The following PAM variants were observed in gnomAD, a reference collection of about 807,000 sequenced individuals.
The protein encoded by PAM is peptidyl-glycine alpha-amidating monooxygenase.
In PAM, 72 loss-of-function variants were observed where a neutral mutation model predicts 122.1. The observed-to-expected ratio is 0.59, with a 90% CI of 0.49 to 0.72. The LOEUF is 0.72. Among genes scored for constraint, PAM ranks in the 30% least tolerant of loss-of-function variants. PAM has a pLI of 0.00. For missense variants in PAM, 1,106 were observed against 1,183.7 expected (o/e 0.93, Z 0.96); for synonymous variants, 389 against 404.4 (o/e 0.96, Z 0.46).
At chr5:102,922,363 T>G (rs745707806) in intron 5 of PAM, among the ~76,000 whole-genome samples, 1 of 151,770 alleles carries the variant, frequency 6.6e-6, no homozygotes, top group Non-Finnish European at 1.5e-5. Context: ...TGAATAAAAG[T>G]TTTTCAGGCA....
chr5:102,966,799 C>A (rs983346132), intron 14 of PAM, among the ~76,000 whole-genome samples: 1 of 152,034 alleles, frequency 6.6e-6, no homozygotes, highest in African/African-American at 2.4e-5. Context: ...ATCCTATTTA[C>A]TCTCCTTATA....
At chr5:102,961,041 G>A (rs1003620022) in intron 13 of PAM, 117 bp from the exon 14 acceptor site, 8 of 519,246 alleles carry the variant, frequency 1.5e-5, no homozygotes, top group African/African-American at 1.0e-4. Flanking sequence ...TCTTAATACG[G>A]TAATAAGCAC....
At chr5:102,982,116 T>A (rs1044127729) in intron 15 of PAM, among the ~76,000 whole-genome samples, 7 of 151,874 alleles carry the variant, frequency 4.6e-5, no homozygotes. Flanking sequence ...TGTCCAGGGA[T>A]CTGAGGATTC....
chr5:102,829,239 G>C (rs1423160434), intron 1 of PAM, among the ~76,000 whole-genome samples: 1 of 151,898 alleles, frequency 6.6e-6, no homozygotes, highest in Non-Finnish European at 1.5e-5. Flanking sequence ...GTACACCAAC[G>C]TTAAATGGTT....
In PAM at chr5:102,999,301, A is replaced by C. The variant is rs530333620; in HGVS notation, c.1614-3732A>C. ...ACTGCATGTCTCACATCCAGGTCAC[A>C]GTGATGCAAGAGGTGGGCTCCCACA... is the stretch of plus-strand genomic sequence containing the variant. On this transcript the variant is annotated intron_variant, in intron 16 of 25. Coordinates refer to ENST00000438793, the MANE Select transcript of PAM (RefSeq NM_001177306.2). Among the ~76,000 whole-genome samples, 54 of 152,340 alleles carry C rather than the reference A, an allele frequency of 3.5e-4. 2 individuals are homozygous for C. The South Asian group carries it at 0.011, about 30-fold the overall frequency.
At chr5:102,845,926 T>C (rs537989263) in intron 1 of PAM, among the ~76,000 whole-genome samples, 1 of 152,310 alleles carries the variant, frequency 6.6e-6, no homozygotes, top group African/African-American at 2.4e-5. Flanking sequence ...TTTTATCATA[T>C]ACTAGCTCAC....
intron 4 of PAM, among the ~76,000 whole-genome samples, chr5:102,902,589 A>G (rs1203583027): frequency 6.6e-6 from 1 of 151,604 alleles, no homozygotes; most frequent in African/African-American, 2.4e-5. Context: ...TGCTTTGAGT[A>G]ACACTAAATA....
intron 1 of PAM, among the ~76,000 whole-genome samples, chr5:102,760,152 C>T (rs1000506412): frequency 2.0e-5 from 3 of 152,142 alleles, no homozygotes; most frequent in Non-Finnish European, 2.9e-5. Flanking sequence ...GGTATTCTTT[C>T]CCTCTGAAGC....
chr5:102,776,410 C>T (rs1158740465), intron 1 of PAM, among the ~76,000 whole-genome samples: 1 of 151,986 alleles, frequency 6.6e-6, no homozygotes, highest in African/African-American at 2.4e-5. Flanking sequence ...AATCTTTTCC[C>T]ATGCCTATGT....
At chr5:102,766,000 G>A (rs1753819887) in intron 1 of PAM, among the ~76,000 whole-genome samples, 1 of 151,970 alleles carries the variant, frequency 6.6e-6, no homozygotes, top group Non-Finnish European at 1.5e-5. Flanking sequence ...ACCCATATCG[G>A]CATGATACAA....
At chr5:102,814,594 T>C (rs974197107) in intron 1 of PAM, among the ~76,000 whole-genome samples, 1 of 146,854 alleles carries the variant, frequency 6.8e-6, no homozygotes, top group African/African-American at 2.5e-5. Flanking sequence ...TACATATATA[T>C]TGATATATAC....
chr5:102,970,815 T>A (rs1034605841), intron 14 of PAM, among the ~76,000 whole-genome samples: 1 of 151,918 alleles, frequency 6.6e-6, no homozygotes, highest in Non-Finnish European at 1.5e-5. Flanking sequence ...TTTTTACTTA[T>A]TTATTTTTTG....
intron 1 of PAM, among the ~76,000 whole-genome samples, chr5:102,799,468 A>G (rs1472952224): frequency 6.6e-6 from 1 of 152,164 alleles, no homozygotes; most frequent in Non-Finnish European, 1.5e-5. Flanking sequence ...CCAGAGTTGG[A>G]TACACCCAAT....
intron 5 of PAM, among the ~76,000 whole-genome samples, chr5:102,915,400 C>T (rs1802802019): frequency 6.6e-6 from 1 of 152,048 alleles, no homozygotes; most frequent in Admixed American, 6.6e-5. Flanking sequence ...TGTTAATAGG[C>T]TTAAGTTATT....
intron 1 of PAM, among the ~76,000 whole-genome samples, chr5:102,780,168 T>C (rs1032813652): frequency 6.6e-6 from 1 of 151,936 alleles, no homozygotes; most frequent in African/African-American, 2.4e-5. Flanking sequence ...ACCTCACCTG[T>C]TAGCCATCTG....
chr5:102,942,587 T>A (rs1299437129), intron 7 of PAM, among the ~76,000 whole-genome samples: 2 of 125,868 alleles, frequency 1.6e-5, no homozygotes, highest in Non-Finnish European at 3.3e-5. Flanking sequence ...ATTTTCTAAA[T>A]TTTTTTTTTT....
chr5:102,841,619 T>G (rs1778655394), intron 1 of PAM, among the ~76,000 whole-genome samples: 1 of 152,202 alleles, frequency 6.6e-6, no homozygotes, highest in Non-Finnish European at 1.5e-5. Flanking sequence ...GAATCTGCAG[T>G]TATAACTTTA....
rs148547451 is a variant in PAM, at chr5:102,937,576, T to TA, written c.527-9258dup. ...TATGTGTCATGTACTCATTTGTTTA[T>TA]AAAGCACTCGTTTTTAAAATCAGAG... On this transcript the variant is annotated intron_variant, in intron 7 of 25. Transcript: ENST00000438793. 7.1e-3 allele frequency among the ~76,000 whole-genome samples: 1,077 copies of TA among 152,226 alleles called. 11 individuals are homozygous for TA. The highest frequency in any genetic ancestry group is 0.023 in the South Asian group (110 of 4,814).
chr5:102,973,991 C>T (rs374267254), intron 14 of PAM, 125 bp from the exon 15 acceptor site: 1 of 613,688 alleles, frequency 1.6e-6, no homozygotes. Context: ...GCTTAAAAGT[C>T]TGAGTGCAAA....
Sources: allele counts gnomAD v4.1 joint callset (sites outside exome capture counted in the v4.1 genomes callset), GRCh38; gene constraint gnomAD v4.1.1; transcripts MANE v1.5; gene names NCBI Gene and HGNC (gene_info 2026-07-23, HGNC 2026-07-21).